GRM7: variants seen among roughly 807,000 people sequenced by gnomAD.
The protein encoded by GRM7 is glutamate metabotropic receptor 7.
GRM7 carries 35 observed loss-of-function variants against 84.5 expected under a neutral mutation model. That is an observed-to-expected ratio of 0.41 (90% CI 0.32 to 0.55). The LOEUF (loss-of-function observed/expected upper bound fraction) is 0.55. Ranked by LOEUF, GRM7 falls within the 20% of genes least tolerant of loss-of-function variation. The pLI, the probability that GRM7 is intolerant of heterozygous loss-of-function variation, is 0.19. For synonymous variants in GRM7, 487 were observed against 455.1 expected, an observed-to-expected ratio of 1.07 and a Z score of -0.89; for missense variants, 1,003 against 1,194.6, an observed-to-expected ratio of 0.84 and a Z score of 2.36.
intron 2 of GRM7, among the ~76,000 whole-genome samples, chr3:7,197,309 C>T (rs1481536744): frequency 6.6e-6 from 1 of 152,186 alleles, no homozygotes; most frequent in East Asian, 1.9e-4. Context: ...TCACCAGTTA[C>T]ATCCAATAAA....
At chr3:7,078,040 G>C (rs1386070620) in intron 1 of GRM7, among the ~76,000 whole-genome samples, 2 of 152,184 alleles carry the variant, frequency 1.3e-5, no homozygotes, top group Non-Finnish European at 2.9e-5. Context: ...TAACAGCACA[G>C]GCATTGGGTA....
chr3:7,503,519 T>G lies in GRM7; in HGVS notation c.1515+41797T>G, dbSNP rs1309788189. Among the ~76,000 whole-genome samples, 4 of 152,168 alleles carry G rather than the reference T, an allele frequency of 2.6e-5. No homozygotes were observed. The East Asian group carries it at 7.7e-4, about 29-fold the overall frequency. On this transcript the variant is annotated intron_variant, in intron 7 of 9. Coordinates refer to ENST00000357716, the MANE Select transcript of GRM7 (RefSeq NM_000844.4). ...GATTGCATACCCACTATTTGGCACT[T>G]CTCTGGTGATTATTCCTTCTTTTCA...
intron 7 of GRM7, among the ~76,000 whole-genome samples, chr3:7,558,951 T>C (rs1324527925): frequency 1.3e-5 from 2 of 152,110 alleles, no homozygotes; most frequent in Non-Finnish European, 2.9e-5. Context: ...ACCAGCAAAG[T>C]GGCTAATTTT....
intron 7 of GRM7, among the ~76,000 whole-genome samples, chr3:7,566,494 G>A (rs947980701): frequency 1.3e-5 from 2 of 152,006 alleles, no homozygotes; most frequent in African/African-American, 4.8e-5. Flanking sequence ...TTTGATAATT[G>A]GAATAAAAAT....
At chr3:6,953,888 C>A (rs900639153) in intron 1 of GRM7, among the ~76,000 whole-genome samples, 1 of 152,064 alleles carries the variant, frequency 6.6e-6, no homozygotes, top group Middle Eastern at 3.4e-3. Context: ...TGAGATAATT[C>A]ATGTGAGGTG....
At chr3:7,302,950 T>G (rs777292970) in intron 3 of GRM7, among the ~76,000 whole-genome samples, 13,440 of 118,596 alleles carry the variant, frequency 0.11, 858 homozygotes, top group Middle Eastern at 0.17. Context: ...TTTTTTTTTT[T>G]TTTTTGTTGA....
intron 1 of GRM7, among the ~76,000 whole-genome samples, chr3:7,097,772 C>T (rs887202995): frequency 6.6e-6 from 1 of 152,108 alleles, no homozygotes; most frequent in Non-Finnish European, 1.5e-5. Context: ...TTTTGTCTCA[C>T]ATATCAAAAT....
chr3:7,089,504 T>C (rs1396790279), intron 1 of GRM7, among the ~76,000 whole-genome samples: 3 of 152,184 alleles, frequency 2.0e-5, no homozygotes, highest in Non-Finnish European at 4.4e-5. Flanking sequence ...GGATTGTATA[T>C]ATTTCATCTG....
intron 4 of GRM7, among the ~76,000 whole-genome samples, chr3:7,346,671 G>GTACTAT (rs149196998): frequency 0.38 from 57,637 of 151,516 alleles, 11,060 homozygotes; most frequent in South Asian, 0.45. Flanking sequence ...TCTTCCTATT[G>GTACTAT]TACTAAGTGA....
At chr3:7,588,409 G>A (rs918902674) in intron 8 of GRM7, among the ~76,000 whole-genome samples, 4 of 152,138 alleles carry the variant, frequency 2.6e-5, no homozygotes, top group Non-Finnish European at 5.9e-5. Context: ...ACCACATTCG[G>A]CTCTGTTCGC....
intron 9 of GRM7, among the ~76,000 whole-genome samples, chr3:7,724,949 T>A (rs1341427097): frequency 3.3e-5 from 5 of 152,204 alleles, no homozygotes; most frequent in Admixed American, 6.5e-5. Flanking sequence ...TATTATTTTT[T>A]TTTTATTTTT....
At chr3:7,032,520 C>T (rs1018357920) in intron 1 of GRM7, among the ~76,000 whole-genome samples, 14 of 152,110 alleles carry the variant, frequency 9.2e-5, no homozygotes, top group South Asian at 2.1e-4. Context: ...TACTTGGAGA[C>T]GGATCCTCTC....
chr3:6,927,556 G>A (rs1697357567), intron 1 of GRM7, among the ~76,000 whole-genome samples: 1 of 151,592 alleles, frequency 6.6e-6, no homozygotes, highest in Non-Finnish European at 1.5e-5. Flanking sequence ...GTTAAATTAG[G>A]AAAATTATTA....
intron 1 of GRM7, among the ~76,000 whole-genome samples, chr3:7,040,776 A>T (rs1027424044): frequency 2.0e-5 from 3 of 151,932 alleles, no homozygotes; most frequent in Non-Finnish European, 4.4e-5. Flanking sequence ...GACTCAGAAT[A>T]TTCATTTTAA....
At chr3:7,420,701 G>A (rs1423705291) in intron 5 of GRM7, among the ~76,000 whole-genome samples, 1 of 152,066 alleles carries the variant, frequency 6.6e-6, no homozygotes, top group Non-Finnish European at 1.5e-5. Context: ...GTTTCTAATT[G>A]TGGGAACTGG....
chr3:7,654,902 C>A (rs1699110168), intron 8 of GRM7, among the ~76,000 whole-genome samples: 1 of 152,204 alleles, frequency 6.6e-6, no homozygotes, highest in Non-Finnish European at 1.5e-5. Context: ...AGCTCTACTA[C>A]CTAAGAAGAC....
chr3:6,928,682 G>GTGA lies in GRM7; in HGVS notation c.519+66777_519+66779dup, dbSNP rs1312023635. ...AATCAATAGAAGCTTAGTTAAGCAGGTGATAATCTTCTCTTGGCCTCCAAT... is the reference window on the plus strand; with the variant it reads ...AATCAATAGAAGCTTAGTTAAGCAGGTGATGATAATCTTCTCTTGGCCTCCAAT... On this transcript the variant is annotated intron_variant, in intron 1 of 9. Transcript: ENST00000357716. The surrounding 1 kb of genome is among the most constrained non-coding windows in gnomAD (Gnocchi z 4.5). 1.3e-5 allele frequency among the ~76,000 whole-genome samples: 2 copies of GTGA among 152,136 alleles called. No homozygotes were observed. Among genetic ancestry groups the GTGA allele is most frequent in the Non-Finnish European group, 2.9e-5 (2 of 68,026 alleles).
At chr3:7,656,970 AGTG>A (rs1559468900) in intron 8 of GRM7, among the ~76,000 whole-genome samples, 2 of 152,224 alleles carry the variant, frequency 1.3e-5, no homozygotes, top group African/African-American at 4.8e-5. Context: ...ATTTACTTTG[AGTG>A]AAGTACAAAC....
At chr3:7,389,767 G>A (rs1450757712) in intron 4 of GRM7, among the ~76,000 whole-genome samples, 1 of 151,676 alleles carries the variant, frequency 6.6e-6, no homozygotes, top group East Asian at 1.9e-4. Flanking sequence ...TGGATGTCTT[G>A]AAGGGGCATG....
Sources: gnomAD v4.1 joint callset for allele counts (sites outside exome capture counted in the v4.1 genomes callset) on GRCh38, gnomAD v4.1.1 for gene constraint, Gnocchi (gnomAD v3.1) non-coding constraint, MANE v1.5 for transcripts, NCBI Gene and HGNC (gene_info 2026-07-23, HGNC 2026-07-21) for gene names.